Variants in PATL2 observed in about 807,000 individuals in gnomAD.
PATL2 encodes PAT1 homolog 2.
Under a neutral mutation model 77.0 loss-of-function variants are expected in PATL2, and 73 were observed. That is an observed-to-expected ratio of 0.95 (90% CI 0.78 to 1.15). PATL2 has a LOEUF of 1.15. Among genes scored for constraint, PATL2 ranks in the 50% most tolerant of loss-of-function variants. The pLI is 0.00. For synonymous variants in PATL2, 265 were observed against 257.1 expected (o/e 1.03, Z -0.29); for missense variants, 618 against 655.4 (o/e 0.94, Z 0.62).
At chr15:44,702,086 A>G (rs764345676) in intron 3 of PATL2, among the ~76,000 whole-genome samples, 2 of 152,138 alleles carry the variant, frequency 1.3e-5, no homozygotes, top group Non-Finnish European at 2.9e-5. Flanking sequence ...TTGAAACTAT[A>G]TCAGTTGGTA....
At chr15:44,670,919 C>T (rs764477409) in intron 9 of PATL2, among the ~76,000 whole-genome samples, 22 of 152,246 alleles carry the variant, frequency 1.4e-4, no homozygotes, top group Non-Finnish European at 2.5e-4. Context: ...CAGTTTTATA[C>T]TTCTGTGGAT....
At position 44,685,564 on chromosome 15, in the gene PATL2, C is replaced by A. The variant is rs146362242; in HGVS notation, c.-75-8999G>T. Among the ~76,000 whole-genome samples the A allele has an allele frequency of 4.0e-3, 612 of 151,548 alleles. 6 individuals are homozygous for A. The highest frequency in any genetic ancestry group is 0.014 in the Middle Eastern group (4 of 292). ...CAGAGGTTGCAGTGAGCTGAGATTG[C>A]GCCTTTGCATTCCAGCCTGGGCAAC... On this transcript the variant is annotated intron_variant, in intron 3 of 17. Transcript: ENST00000682850.
rs1595954258 is a variant in PATL2 at position 44,667,127 on chromosome 15, G to C, written c.1442C>G (p.Pro481Arg). The C allele has an allele frequency of 5.8e-6, 9 of 1,551,460 alleles. No homozygotes were observed. In the East Asian group the frequency reaches 2.0e-4, roughly 34 times the overall value. Reference sequence around the variant, plus strand: ...TTACCAAGCTGTATGGTCACTGTTGGGTTCCTCTAGGGAAGAATGCAGCGA... The same window carrying C: ...TTACCAAGCTGTATGGTCACTGTTGCGTTCCTCTAGGGAAGAATGCAGCGA... Reference protein sequence around the residue: ...LVSLHSSLEEPNSDHTAWTDM... With the variant: ...LVSLHSSLEERNSDHTAWTDM... The change falls in exon 16 of 18, where the codon CCC becomes CGC. Residue 481 changes from proline (P) to arginine (R), a missense_variant. Physicochemically the swap from Pro to Arg is moderately radical, Grantham distance 103. Transcript: ENST00000682850.
intron 1 of PATL2, 29 bp downstream of exon 1, chr15:44,710,991 C>T (rs1013378148): frequency 4.6e-6 from 1 of 218,108 alleles, no homozygotes; most frequent in African/African-American, 2.3e-5. Context: ...GAGCTGTCCT[C>T]AGGATGCTTT....
chr15:44,708,188 G>A (rs1314674800), intron 3 of PATL2, among the ~76,000 whole-genome samples: 2 of 152,212 alleles, frequency 1.3e-5, no homozygotes, highest in African/African-American at 4.8e-5. Context: ...GTTAAAACCA[G>A]GTACTGTGAT....
At position 44,669,777 on chromosome 15, in the gene PATL2, C is replaced by G; in HGVS notation, c.876G>C (p.Gln292His). The change falls in exon 11 of 18, where the codon CAG (glutamine) becomes CAC (histidine). Residue 292 changes from glutamine (Q) to histidine (H), a missense_variant and splice_region_variant. Transcript: ENST00000682850. ...ATGTCTGGGAAGATAGTGCTCCCAC[C>G]TGCTCTTGAGTTCCATGGGGTACCG... ...IDAVPHGTQE[Q>H]DIEAASSQRL... The G allele has an allele frequency of 6.4e-7, 1 of 1,551,660 alleles. No individual in the cohort carries two copies. Among genetic ancestry groups the G allele is most frequent in the South Asian group, 1.2e-5 (1 of 84,058 alleles).
intron 3 of PATL2, among the ~76,000 whole-genome samples, chr15:44,680,793 G>T (rs897489213): frequency 2.6e-5 from 4 of 152,072 alleles, no homozygotes; most frequent in Non-Finnish European, 5.9e-5. Flanking sequence ...TTATAGTGGT[G>T]GCAACAGGGA....
chr15:44,681,061 C>T (rs372189788), intron 3 of PATL2, among the ~76,000 whole-genome samples: 5 of 152,140 alleles, frequency 3.3e-5, no homozygotes, highest in Non-Finnish European at 5.9e-5. Flanking sequence ...GATGGGGTCT[C>T]GCTCTTTCAC....
intron 3 of PATL2, among the ~76,000 whole-genome samples, chr15:44,679,454 C>T (rs1478716309): frequency 6.6e-6 from 1 of 151,990 alleles, no homozygotes; most frequent in East Asian, 1.9e-4. Flanking sequence ...TCTTGAACTC[C>T]TGACCTCAGC....
chr15:44,691,398 C>T (rs1321296118), intron 3 of PATL2, among the ~76,000 whole-genome samples: 3 of 152,182 alleles, frequency 2.0e-5, no homozygotes, highest in African/African-American at 7.2e-5. Context: ...TGGCTCATGC[C>T]TGTAATCCCA....
chr15:44,689,777 G>A (rs1044461912), intron 3 of PATL2, among the ~76,000 whole-genome samples: 6 of 152,100 alleles, frequency 3.9e-5, no homozygotes, highest in African/African-American at 1.4e-4. Context: ...TGGTTGATGG[G>A]TGCAGCAAAC....
chr15:44,669,292 T>TAA lies in PATL2; in HGVS notation c.1051_1052insTT (p.Gln351LeufsTer18), dbSNP rs2085542732. On this transcript the variant is annotated frameshift_variant, in exon 13 of 18. Coordinates refer to ENST00000682850, the MANE Select transcript of PATL2 (RefSeq NM_001387263.1). LOFTEE classifies it high-confidence loss of function. ...CTCCCACACTCACTCCAGGTTGTTC[T>TAA]GCTCCTGGGTCTTTAAGGTCTGGAA... is the stretch of plus-strand genomic sequence containing the variant. The TAA allele has an allele frequency of 6.5e-7, 1 of 1,549,964 alleles. No individual in the cohort carries two copies. Among genetic ancestry groups the TAA allele is most frequent in the African/African-American group, 1.4e-5 (1 of 73,018 alleles).
At position 44,669,370 on chromosome 15, in the gene PATL2, C is replaced by T. The variant is rs1270319714; in HGVS notation, c.974G>A (p.Arg325Lys). The change falls in exon 13 of 18, where the codon AGG becomes AAG. Residue 325 changes from arginine (R) to lysine (K), a missense_variant. Arg to Lys is a conservative substitution (Grantham distance 26). Transcript: ENST00000682850. The stretch of plus-strand genomic sequence containing the variant: ...CTCAGAAAAGCAGGGCGGTGGAGGC[C>T]TATACTTCCAGCCTTCCTCTATTTC... ...LLEIEEGWKY[R>K]PPPPCFSEQQ... is the part of the protein sequence containing the mutation. 1.3e-6 allele frequency: 2 copies of T among 1,551,442 alleles called. No homozygotes were observed. The highest frequency in any genetic ancestry group is 1.4e-5 in the African/African-American group (1 of 73,024).
chr15:44,689,731 G>A (rs1455235693), intron 3 of PATL2, among the ~76,000 whole-genome samples: 1 of 152,116 alleles, frequency 6.6e-6, no homozygotes, highest in Non-Finnish European at 1.5e-5. Context: ...GACTAGGGGA[G>A]GGATACCATT....
intron 6 of PATL2, among the ~76,000 whole-genome samples, chr15:44,673,691 C>T (rs1029513012): frequency 2.0e-5 from 3 of 152,160 alleles, no homozygotes; most frequent in Non-Finnish European, 4.4e-5. Flanking sequence ...TGTCTTCAGC[C>T]GCTGGGGCAG....
chr15:44,671,488 C>CAA lies in PATL2; in HGVS notation c.657+525_657+526dup, dbSNP rs571777244. On this transcript the variant is annotated intron_variant, in intron 9 of 17. Coordinates refer to ENST00000682850, the MANE Select transcript of PATL2 (RefSeq NM_001387263.1). ...TGGATGACAGAGGGAGACTCTGTCT[C>CAA]AAAAAAAAAAAAAGAAAAAGAAAGA... 7.0e-4 allele frequency among the ~76,000 whole-genome samples: 75 copies of CAA among 106,988 alleles called. 1 individual carries two copies. Among genetic ancestry groups the CAA allele is most frequent in the African/African-American group, 2.0e-3 (57 of 28,680 alleles). The allele number at this position is 106,988 out of a possible 152,430, so 70.2% of individuals were successfully genotyped here.
intron 17 of PATL2, among the ~76,000 whole-genome samples, 163 bp from the exon 18 acceptor site, chr15:44,666,134 A>G (rs1271486675): frequency 6.6e-6 from 1 of 152,244 alleles, no homozygotes; most frequent in Non-Finnish European, 1.5e-5. Flanking sequence ...TATTTCTTGA[A>G]TGAATAATTC....
chr15:44,710,992 A>G, intron 1 of PATL2, 28 bp downstream of exon 1: 1 of 218,756 alleles, frequency 4.6e-6, no homozygotes, highest in Non-Finnish European at 9.5e-6. Flanking sequence ...AGCTGTCCTC[A>G]GGATGCTTTT....
At chr15:44,673,956 A>C (rs547186806) in intron 6 of PATL2, among the ~76,000 whole-genome samples, 194 bp downstream of exon 6, 2 of 152,256 alleles carry the variant, frequency 1.3e-5, no homozygotes, top group East Asian at 3.9e-4. Flanking sequence ...CCACTTATTA[A>C]GGTGTCTATC....
Sources: allele counts gnomAD v4.1 joint callset (sites outside exome capture counted in the v4.1 genomes callset), GRCh38; gene constraint gnomAD v4.1.1; transcripts MANE v1.5; gene names NCBI Gene and HGNC (gene_info 2026-07-23, HGNC 2026-07-21).